TNS1: variants seen among roughly 807,000 people sequenced by gnomAD.
TNS1 encodes the protein tensin-1.
Under a neutral mutation model 168.6 loss-of-function variants are expected in TNS1, and 62 were observed. The ratio of observed to expected loss-of-function variants is 0.37; its 90% CI spans 0.30 to 0.45. TNS1 has a LOEUF of 0.45. Among genes scored for constraint, TNS1 ranks in the 20% least tolerant of loss-of-function variants. The pLI, the probability that TNS1 is intolerant of heterozygous loss-of-function variation, is 1.00. For missense variants in TNS1, 2,240 were observed against 2,339.4 expected (o/e 0.96, Z 0.88); for synonymous variants, 934 against 933.2 (o/e 1.00, Z -0.02).
chr2:217,997,276 T>C (rs1035265755), intron 1 of TNS1, among the ~76,000 whole-genome samples: 1 of 152,118 alleles, frequency 6.6e-6, no homozygotes. Context: ...ATCAATACAA[T>C]CCCACTGTCT....
At chr2:217,859,624 C>T in intron 18 of TNS1, 1 of 1,535,736 alleles carries the variant, frequency 6.5e-7, no homozygotes, top group Non-Finnish European at 8.7e-7. Flanking sequence ...CAGTGTGTGT[C>T]TGGCCAGGTA....
intron 18 of TNS1, among the ~76,000 whole-genome samples, chr2:217,865,142 C>A (rs3791950): frequency 0.65 from 99,207 of 151,798 alleles, 34,230 homozygotes; most frequent in African/African-American, 0.88. Flanking sequence ...GACTATGAGT[C>A]AAGGGGTCCC....
At chr2:217,954,000 A>G in intron 3 of TNS1, among the ~76,000 whole-genome samples, 1 of 152,168 alleles carries the variant, frequency 6.6e-6, no homozygotes, top group East Asian at 1.9e-4. Flanking sequence ...GACTCAGGAG[A>G]GCATTTAGGG....
At position 217,897,784 on chromosome 2, in the gene TNS1, G is replaced by A; in HGVS notation, c.543+14C>T. ...AGAGGGCACAGGACAGTGGGCACGA[G>A]GATCCATCCTCACCAGGTAGTTGCC... On this transcript the variant is annotated intron_variant, in intron 8 of 32. Coordinates refer to ENST00000682258, the MANE Select transcript of TNS1 (RefSeq NM_001387777.1). 1.3e-6 allele frequency: 2 copies of A among 1,581,350 alleles called. No individual in the cohort carries two copies. The highest frequency in any genetic ancestry group is 1.7e-6 in the Non-Finnish European group (2 of 1,163,802).
rs931796448 is a variant in TNS1 at position 218,033,177 on chromosome 2, C to T, written c.156+643G>A. Among the ~76,000 whole-genome samples, 1 of 152,130 alleles carries T rather than the reference C, an allele frequency of 6.6e-6. No individual in the cohort carries two copies. Among genetic ancestry groups the T allele is most frequent in the Non-Finnish European group, 1.5e-5 (1 of 67,998 alleles). On this transcript the variant is annotated intron_variant, in intron 1 of 1. Transcript: ENST00000649572. The surrounding 1 kb of genome is among the most constrained non-coding windows in gnomAD (Gnocchi z 4.3). ...CCATCCCTGGTGACCCCAAACACCT[C>T]CTCCTACTCTCCCAGGAAGAAACCA...
intron 1 of TNS1, 68 bp from the exon 2 acceptor site, chr2:217,991,124 G>C (rs937714542): frequency 1.9e-6 from 1 of 515,600 alleles, no homozygotes; most frequent in African/African-American, 1.9e-5. Flanking sequence ...GAGTAGAGGA[G>C]CCTGGGGGAG....
In TNS1 at chr2:217,817,894, C is replaced by A; in HGVS notation, c.4438G>T (p.Ala1480Ser). 6.2e-7 allele frequency: 1 copy of A among 1,613,988 alleles called. No individual in the cohort carries two copies. ...GGTGTTGGGCTCCCTTGCCGGAAGG[C>A]TGCGGAGTCTGGTGACGGGGAGGTG... is the stretch of plus-strand genomic sequence containing the variant. ...PATSPSPDSAAFRQGSPTPAL... is the reference protein window; with the variant it reads ...PATSPSPDSASFRQGSPTPAL... The change falls in exon 24 of 33, where the codon GCC becomes TCC. Residue 1480 changes from alanine (A) to serine (S), a missense_variant. Ala to Ser is a moderately conservative substitution (Grantham distance 99). Around this residue, in one of 2 missense-constraint regions of TNS1, gnomAD observed 2,131 missense variants for 2,171.2 expected, o/e 0.98. Transcript: ENST00000682258.
Position 217,835,121 on chromosome 2 carries a change from T to C in TNS1, c.3250A>G (p.Thr1084Ala). Residue 1084 changes from threonine to alanine, a missense_variant, in exon 21 of 33, where the codon ACC (threonine) becomes GCC (alanine). By Grantham distance (58) the Thr-to-Ala change is moderately conservative. This residue lies in a region of TNS1 where 2,131 missense variants were observed against 2,171.2 expected (regional missense o/e 0.98). Transcript: ENST00000682258. ...CTGGGTGGTGGGCTGCTCGGGGAGGTTCCCTCCATCTCCTCGAAGGCCTCC... is the reference window on the plus strand; with the variant it reads ...CTGGGTGGTGGGCTGCTCGGGGAGGCTCCCTCCATCTCCTCGAAGGCCTCC... Reference protein sequence around the residue: ...YKEAFEEMEGTSPSSPPPSGV... With the variant: ...YKEAFEEMEGASPSSPPPSGV... 1 of 1,584,354 alleles carries C rather than the reference T, an allele frequency of 6.3e-7. No individual in the cohort carries two copies.
chr2:218,011,479 G>A (rs1393165430), upstream of TNS1, among the ~76,000 whole-genome samples: 2 of 152,128 alleles, frequency 1.3e-5, no homozygotes, highest in Non-Finnish European at 2.9e-5. Context: ...GGCCTCTTCC[G>A]CAGCAAGCGC....
chr2:217,942,829 C>CCAACCCCATCCCCTCCCCTG (rs1956982676), intron 3 of TNS1, among the ~76,000 whole-genome samples: 1 of 152,166 alleles, frequency 6.6e-6, no homozygotes, highest in Non-Finnish European at 1.5e-5. Context: ...ATCCTATCCC[C>CCAACCCCATCCCCTCCCCTG]CAACCCCATC....
chr2:217,810,737 A>C (rs1940710301), intron 28 of TNS1, among the ~76,000 whole-genome samples: 1 of 152,140 alleles, frequency 6.6e-6, no homozygotes, highest in Non-Finnish European at 1.5e-5. Context: ...TAAATCCCCT[A>C]ATTCCCCTAA....
At chr2:218,004,384 C>T (rs1958633810), upstream of TNS1, among the ~76,000 whole-genome samples, 1 of 152,050 alleles carries the variant, frequency 6.6e-6, no homozygotes, top group Non-Finnish European at 1.5e-5. Context: ...CCCCACTCAC[C>T]CAAGGCCATG....
chr2:217,884,342 G>A (rs1257484245), intron 16 of TNS1, among the ~76,000 whole-genome samples: 1 of 152,188 alleles, frequency 6.6e-6, no homozygotes, highest in Admixed American at 6.5e-5. Flanking sequence ...TGGATGGATG[G>A]ATGTGTGTAA....
intron 3 of TNS1, among the ~76,000 whole-genome samples, chr2:217,933,535 TG>T (rs1182844279): frequency 1.3e-5 from 2 of 152,060 alleles, no homozygotes; most frequent in African/African-American, 4.8e-5. Context: ...ACACTCTGCA[TG>T]GCCCCAAGCA....
intron 18 of TNS1, among the ~76,000 whole-genome samples, chr2:217,871,622 C>G (rs1949782297): frequency 6.6e-6 from 1 of 152,272 alleles, no homozygotes; most frequent in Non-Finnish European, 1.5e-5. Flanking sequence ...CAAGGGCAAA[C>G]AGCGTGGTGC....
At chr2:217,897,057 G>A (rs1374101822) in intron 8 of TNS1, among the ~76,000 whole-genome samples, 3 of 152,176 alleles carry the variant, frequency 2.0e-5, no homozygotes, top group African/African-American at 7.2e-5. Context: ...CAGTGGCCCT[G>A]GGAAACTAAT....
intron 1 of TNS1, among the ~76,000 whole-genome samples, chr2:218,031,260 G>A (rs1375685349): frequency 2.5e-5 from 3 of 122,048 alleles, no homozygotes; most frequent in Non-Finnish European, 3.1e-5. Flanking sequence ...GTGAGTGTAT[G>A]AGTGTGTTGT....
At chr2:217,804,707 C>T in intron 32 of TNS1, 104 bp from the exon 33 acceptor site, 2 of 1,429,086 alleles carry the variant, frequency 1.4e-6, no homozygotes, top group Non-Finnish European at 1.9e-6. Flanking sequence ...AACCTCTCTT[C>T]CCCATCCCTC....
chr2:217,897,844 C>T lies in TNS1; in HGVS notation c.497G>A (p.Arg166His), dbSNP rs774021860. The T allele has an allele frequency of 2.2e-5, 36 of 1,612,530 alleles. 1 individual carries two copies. In the Middle Eastern group the frequency reaches 4.9e-4, roughly 22 times the overall value. Residue 166 changes from arginine (R) to histidine (H), a missense_variant, in exon 8 of 33, where the codon CGT becomes CAT. Coordinates refer to ENST00000682258, the MANE Select transcript of TNS1 (RefSeq NM_001387777.1). ...GGACTTGAGCATCTGCGCCACCTCA[C>T]GGAGGTTGCTCCGGAAGTTCTCCTC... ...ANEENFRSNL[R>H]EVAQMLKSKH...
Sources: gnomAD v4.1 joint callset for allele counts (sites outside exome capture counted in the v4.1 genomes callset) on GRCh38, gnomAD v4.1.1 for gene constraint, gnomAD v4.1.1 regional missense constraint, Gnocchi (gnomAD v3.1) non-coding constraint, MANE v1.5 for transcripts, NCBI Gene and HGNC (gene_info 2026-07-23, HGNC 2026-07-21) for gene names.